The following CLRN1 variants were observed in gnomAD, a reference collection of about 807,000 sequenced individuals.
CLRN1 encodes the protein clarin 1, also known as clarin-1.
CLRN1 carries 15 observed loss-of-function variants against 18.7 expected under a neutral mutation model. The observed-to-expected ratio is 0.80, with a 90% confidence interval of 0.54 to 1.23. CLRN1 has a LOEUF of 1.23. Ranked by LOEUF, CLRN1 falls within the 50% of genes most tolerant of loss-of-function variation. The pLI is 0.00. For missense variants in CLRN1, 311 were observed against 277.5 expected (o/e 1.12, Z -0.86); for synonymous variants, 104 against 102.9 (o/e 1.01, Z -0.07).
chr3:150,972,838 C>CAG (rs1559996580), upstream of CLRN1: 8 of 1,292,016 alleles, frequency 6.2e-6, no homozygotes, highest in African/African-American at 7.3e-5. Flanking sequence ...AAGGCAACTT[C>CAG]ACCATCGACG....
chr3:150,930,975 G>A (rs1713103676), intron 2 of CLRN1, among the ~76,000 whole-genome samples: 1 of 152,168 alleles, frequency 6.6e-6, no homozygotes, highest in Non-Finnish European at 1.5e-5. Flanking sequence ...GTAGTAGAGA[G>A]GACAGTCTGA....
intron 1 of CLRN1, among the ~76,000 whole-genome samples, chr3:150,945,017 G>A (rs1213917095): frequency 6.6e-6 from 1 of 152,172 alleles, no homozygotes; most frequent in Admixed American, 6.5e-5. Flanking sequence ...GCTAGGGTAA[G>A]GCAAACAAGG....
intron 1 of CLRN1, among the ~76,000 whole-genome samples, chr3:150,960,186 G>A (rs1272052325): frequency 6.6e-6 from 1 of 152,202 alleles, no homozygotes; most frequent in Admixed American, 6.5e-5. Context: ...AAATCACAGA[G>A]CTCACAAGAA....
chr3:150,959,375 T>A (rs772503081), intron 1 of CLRN1, among the ~76,000 whole-genome samples: 2 of 152,176 alleles, frequency 1.3e-5, no homozygotes, highest in Non-Finnish European at 2.9e-5. Context: ...ACGCTTGTAA[T>A]CTCAGCACTT....
chr3:150,945,679 T>C lies in CLRN1; in HGVS notation c.254-3918A>G, dbSNP rs187920514. On this transcript the variant is annotated intron_variant, in intron 1 of 2. Transcript: ENST00000327047. ...GTTTAGTTGTACTACATTTCCTTTA[T>C]CTTCTCACAATCAGAAAAATGCACA... 2.7e-5 allele frequency: 34 copies of C among 1,262,378 alleles called. No individual in the cohort carries two copies. The African/African-American group carries it at 3.5e-4, about 13-fold the overall frequency. The allele number at this position is 1,262,378 out of a possible 1,614,324, so 78.2% of individuals were successfully genotyped here. A position where few individuals can be genotyped will look rare whatever the true frequency, so the allele number is the denominator to read the frequency against.
intron 1 of CLRN1, among the ~76,000 whole-genome samples, chr3:150,949,414 A>T (rs1714361644): frequency 6.6e-6 from 1 of 152,208 alleles, no homozygotes; most frequent in African/African-American, 2.4e-5. Context: ...GAGGAAGTCA[A>T]ACTAAATCTG....
At chr3:150,954,402 G>A (rs369980813) in intron 1 of CLRN1, among the ~76,000 whole-genome samples, 54 of 152,004 alleles carry the variant, frequency 3.6e-4, no homozygotes, top group African/African-American at 1.1e-3. Flanking sequence ...TTTTTTTGTG[G>A]GCTTATTTGC....
chr3:150,962,167 G>A (rs773316915), intron 1 of CLRN1, among the ~76,000 whole-genome samples: 1 of 152,198 alleles, frequency 6.6e-6, no homozygotes, highest in Non-Finnish European at 1.5e-5. Flanking sequence ...GTATGATTAT[G>A]TTGGGGTAAT....
At chr3:150,947,315 C>T (rs377414695) in intron 1 of CLRN1, among the ~76,000 whole-genome samples, 26 of 152,104 alleles carry the variant, frequency 1.7e-4, no homozygotes, top group African/African-American at 5.8e-4. Flanking sequence ...CAAAGAAGGG[C>T]GTTACATAAT....
At chr3:150,948,234 C>T (rs1053054914) in intron 1 of CLRN1, among the ~76,000 whole-genome samples, 1 of 152,078 alleles carries the variant, frequency 6.6e-6, no homozygotes, top group Non-Finnish European at 1.5e-5. Flanking sequence ...CCTGTAATCC[C>T]AGCACTTTGG....
chr3:150,943,217 T>A (rs532087724), intron 1 of CLRN1, among the ~76,000 whole-genome samples: 1 of 152,326 alleles, frequency 6.6e-6, no homozygotes, highest in African/African-American at 2.4e-5. Context: ...ACCTCACTTT[T>A]GAGCTGAAAA....
intron 2 of CLRN1, among the ~76,000 whole-genome samples, chr3:150,934,052 C>T (rs985811502): frequency 3.9e-5 from 6 of 152,072 alleles, no homozygotes; most frequent in Non-Finnish European, 7.4e-5. Flanking sequence ...GTCTCTTTCT[C>T]GAACTCCTGA....
At chr3:150,939,325 C>T (rs1394179137) in intron 2 of CLRN1, among the ~76,000 whole-genome samples, 2 of 152,216 alleles carry the variant, frequency 1.3e-5, no homozygotes, top group Non-Finnish European at 2.9e-5. Context: ...GCCAAGTCCT[C>T]AAGGTCTGAG....
At chr3:150,940,422 T>G (rs943673387) in intron 2 of CLRN1, 3 of 1,451,720 alleles carry the variant, frequency 2.1e-6, no homozygotes, top group Non-Finnish European at 2.8e-6. Context: ...TCTATACACG[T>G]TTGTGGTTGG....
intron 1 of CLRN1, among the ~76,000 whole-genome samples, chr3:150,950,110 T>C (rs955444033): frequency 1.3e-5 from 2 of 152,208 alleles, no homozygotes; most frequent in Non-Finnish European, 2.9e-5. Context: ...GCTAGCCATA[T>C]GCAGAATATT....
chr3:150,950,379 TACAGA>T (rs1166971069), intron 1 of CLRN1, among the ~76,000 whole-genome samples: 2 of 152,118 alleles, frequency 1.3e-5, no homozygotes, highest in Admixed American at 6.5e-5. Flanking sequence ...GCAGACAACC[TACAGA>T]ATGGGAGAAA....
At chr3:150,942,837 C>T (rs73155705) in intron 1 of CLRN1, among the ~76,000 whole-genome samples, 23 of 152,284 alleles carry the variant, frequency 1.5e-4, no homozygotes, top group Non-Finnish European at 2.6e-4. Context: ...AATATGGCAG[C>T]AGAAGTACAT....
intron 1 of CLRN1, among the ~76,000 whole-genome samples, chr3:150,960,312 A>T (rs1239926919): frequency 1.3e-5 from 2 of 152,164 alleles, no homozygotes; most frequent in Admixed American, 1.3e-4. Context: ...AGAGTGGGGA[A>T]TGTAAGAACT....
intron 1 of CLRN1, among the ~76,000 whole-genome samples, chr3:150,949,234 AAACC>A (rs777827161): frequency 3.2e-4 from 48 of 152,222 alleles, no homozygotes; most frequent in Non-Finnish European, 5.7e-4. Context: ...CATATATGAC[AAACC>A]ACCACAAACA....
Sources: gnomAD v4.1 joint callset for allele counts (sites outside exome capture counted in the v4.1 genomes callset) on GRCh38, gnomAD v4.1.1 for gene constraint, MANE v1.5 for transcripts, NCBI Gene and HGNC (gene_info 2026-07-23, HGNC 2026-07-21) for gene names.